THOC5: variants seen among roughly 807,000 people sequenced by gnomAD.
The protein encoded by THOC5 is THO complex subunit 5.
In THOC5, 43 loss-of-function variants were observed where a neutral mutation model predicts 92.9. The observed-to-expected ratio is 0.46, with a 90% CI of 0.36 to 0.60. THOC5 has a LOEUF of 0.60. Among genes scored for constraint, THOC5 ranks in the 20% least tolerant of loss-of-function variants. The pLI is 0.00. For synonymous variants in THOC5, 296 were observed against 320.1 expected, an observed-to-expected ratio of 0.92 and a Z score of 0.80; for missense variants, 659 against 849.4, an observed-to-expected ratio of 0.78 and a Z score of 2.79.
At chr22:29,546,296 T>A (rs1201818574) in intron 2 of THOC5, among the ~76,000 whole-genome samples, 1 of 152,210 alleles carries the variant, frequency 6.6e-6, no homozygotes, top group African/African-American at 2.4e-5. Flanking sequence ...GTCTCTGACA[T>A]GGCCTGGAGA....
rs1169737732 is a variant in THOC5 at position 29,534,767 on chromosome 22, A to C, written c.714+1857T>G. On this transcript the variant is annotated intron_variant, in intron 7 of 19. Transcript: ENST00000490103. Reference sequence around the variant, plus strand: ...CAGGAGATCGAGACCATCCTGGCTAACATGGTGAAACCCCGTCTCTACTAA... The same window carrying C: ...CAGGAGATCGAGACCATCCTGGCTACCATGGTGAAACCCCGTCTCTACTAA... 3 of 151,698 alleles carry C rather than the reference A, an allele frequency of 2.0e-5. No homozygotes were observed. The East Asian group carries it at 5.8e-4, about 29-fold the overall frequency. 9.4% of individuals were successfully genotyped at this position (151,698 alleles called of 1,614,324 possible). A position where few individuals can be genotyped will look rare whatever the true frequency, so the allele number is the denominator to read the frequency against.
intron 17 of THOC5, among the ~76,000 whole-genome samples, chr22:29,512,930 G>T (rs1243971982): frequency 3.3e-5 from 5 of 152,194 alleles, no homozygotes; most frequent in African/African-American, 1.2e-4. Flanking sequence ...CTTCTCAAGT[G>T]GGATAGGTAT....
chr22:29,522,932 C>T (rs1459031142), intron 12 of THOC5, among the ~76,000 whole-genome samples: 3 of 151,816 alleles, frequency 2.0e-5, no homozygotes, highest in African/African-American at 4.8e-5. Flanking sequence ...ACCCAGGAGG[C>T]GGAGGTTGCA....
In THOC5 at chr22:29,544,456, T is replaced by C; in HGVS notation, c.240+4A>G. ...GTTCACGGCCACCTGGTCCCACTCC[T>C]TACCACATCCTTGCCACCCCTGCTC... On this transcript the variant is annotated splice_donor_region_variant and intron_variant, in intron 3 of 19. Transcript: ENST00000490103. The C allele has an allele frequency of 6.2e-7, 1 of 1,612,666 alleles. No homozygotes were observed. Among genetic ancestry groups the C allele is most frequent in the Non-Finnish European group, 8.5e-7 (1 of 1,179,594 alleles).
At chr22:29,513,724 G>A (rs549932609) in intron 17 of THOC5, among the ~76,000 whole-genome samples, 7 of 151,976 alleles carry the variant, frequency 4.6e-5, no homozygotes, top group Admixed American at 1.3e-4. Context: ...CTGGCCAGGC[G>A]TCGTGGCTCA....
chr22:29,531,241 T>C (rs762672390), intron 8 of THOC5: 110 of 1,016,096 alleles, frequency 1.1e-4, no homozygotes, highest in Admixed American at 1.8e-4. Flanking sequence ...GGTGTATGTC[T>C]GTCTGATGAG....
rs1052739882 is a variant in THOC5, at chr22:29,507,760, C to G, written c.*697G>C. ...AATATATACTGAAAATATGTACTGA[C>G]TATGTTAGCAGTAAGTAACTACTAA... On this transcript the variant is annotated 3_prime_UTR_variant, in exon 20 of 20. Transcript: ENST00000490103. 6.6e-6 allele frequency: 1 copy of G among 152,294 alleles called. No individual in the cohort carries two copies. The highest frequency in any genetic ancestry group is 2.4e-5 in the African/African-American group (1 of 41,454). The allele number at this position is 152,294 out of a possible 1,614,324, so 9.4% of individuals were successfully genotyped here. A position where few individuals can be genotyped will look rare whatever the true frequency, so the allele number is the denominator to read the frequency against.
At chr22:29,523,847 T>A (rs530478344) in intron 12 of THOC5, among the ~76,000 whole-genome samples, 1 of 152,314 alleles carries the variant, frequency 6.6e-6, no homozygotes, top group African/African-American at 2.4e-5. Context: ...AGTATGAGAT[T>A]CAAGAATTAG....
Position 29,550,306 on chromosome 22 carries a change from G to T in THOC5, c.-11-1148C>A, listed in dbSNP as rs189705544. 2.3e-3 allele frequency among the ~76,000 whole-genome samples: 354 copies of T among 151,736 alleles called. 1 individual carries two copies. The highest frequency in any genetic ancestry group is 2.9e-3 in the Non-Finnish European group (197 of 67,956). On this transcript the variant is annotated intron_variant, in intron 1 of 19. Transcript: ENST00000490103. ...GGATCTATCCAATCAATGCCATACT[G>T]GTGCTCTTAACTACACTTTTATGCC...
intron 12 of THOC5, among the ~76,000 whole-genome samples, chr22:29,523,913 G>A (rs909224832): frequency 4.6e-5 from 7 of 152,190 alleles, no homozygotes; most frequent in African/African-American, 1.7e-4. Flanking sequence ...TGTATGCCAG[G>A]TTGCTGTCTT....
chr22:29,529,675 A>G (rs1468587778), intron 8 of THOC5, among the ~76,000 whole-genome samples: 1 of 152,244 alleles, frequency 6.6e-6, no homozygotes, highest in East Asian at 1.9e-4. Context: ...TACCAAGCAC[A>G]TGGCTGCCAT....
At chr22:29,525,745 A>T in intron 12 of THOC5, 93 bp downstream of exon 12, 1 of 982,526 alleles carries the variant, frequency 1.0e-6, no homozygotes, top group Non-Finnish European at 1.6e-6. Flanking sequence ...AGCCCTCTCC[A>T]GAGCCAGAGG....
chr22:29,548,888 C>A (rs2064083371), intron 2 of THOC5, among the ~76,000 whole-genome samples, 164 bp downstream of exon 2: 1 of 152,164 alleles, frequency 6.6e-6, no homozygotes, highest in Non-Finnish European at 1.5e-5. Context: ...GATGTGGACA[C>A]TCAGCTTTAG....
In THOC5 at chr22:29,532,972, T is replaced by C. The variant is rs1362588317; in HGVS notation, c.715-1009A>G. On this transcript the variant is annotated intron_variant, in intron 7 of 19. Transcript: ENST00000490103. ...CAGCCTGGGCAAGAGAGCAAGACCCTGCCTCAAAATAAAACAAAATAAAAT... is the reference window on the plus strand; with the variant it reads ...CAGCCTGGGCAAGAGAGCAAGACCCCGCCTCAAAATAAAACAAAATAAAAT... 2.0e-5 allele frequency among the ~76,000 whole-genome samples: 3 copies of C among 152,136 alleles called. No homozygotes were observed. In the East Asian group the frequency reaches 5.8e-4, roughly 29 times the overall value.
intron 1 of THOC5, among the ~76,000 whole-genome samples, chr22:29,552,781 G>A (rs1183509075): frequency 6.6e-6 from 1 of 152,194 alleles, no homozygotes; most frequent in African/African-American, 2.4e-5. Context: ...TGACGATGGC[G>A]GTTTTGTCTA....
chr22:29,531,433 G>A, intron 8 of THOC5: 2 of 1,008,374 alleles, frequency 2.0e-6, no homozygotes, highest in Non-Finnish European at 2.4e-6. Flanking sequence ...TCAAGGCATG[G>A]TGAAAGCCTG....
chr22:29,511,327 C>A (rs2063217433), intron 18 of THOC5, 31 bp from the exon 19 acceptor site: 1 of 1,595,404 alleles, frequency 6.3e-7, no homozygotes, highest in African/African-American at 1.3e-5. Context: ...CATCTCAGCA[C>A]TACCTTCCTG....
At chr22:29,514,319 T>C (rs2063289302) in intron 17 of THOC5, among the ~76,000 whole-genome samples, 1 of 150,622 alleles carries the variant, frequency 6.6e-6, no homozygotes, top group South Asian at 2.1e-4. Flanking sequence ...TGAAGAATTT[T>C]TTTTTTTTTT....
intron 2 of THOC5, among the ~76,000 whole-genome samples, chr22:29,548,562 AT>A (rs2064075588): frequency 6.6e-6 from 1 of 152,110 alleles, no homozygotes; most frequent in African/African-American, 2.4e-5. Context: ...CTCAAAAAAA[AT>A]TTTTTTTAAA....
Sources: allele counts gnomAD v4.1 joint callset (sites outside exome capture counted in the v4.1 genomes callset), GRCh38; gene constraint gnomAD v4.1.1; transcripts MANE v1.5; gene names NCBI Gene and HGNC (gene_info 2026-07-23, HGNC 2026-07-21).